Variants in PIEZO2 observed in about 807,000 individuals in gnomAD.
The protein encoded by PIEZO2 is piezo type mechanosensitive ion channel component 2.
Under a neutral mutation model 337.3 loss-of-function variants are expected in PIEZO2, and 172 were observed. The ratio of observed to expected loss-of-function variants is 0.51; its 90% CI spans 0.45 to 0.58. The LOEUF (loss-of-function observed/expected upper bound fraction) is 0.58. Among genes scored for constraint, PIEZO2 ranks in the 20% least tolerant of loss-of-function variants. PIEZO2 has a pLI of 0.00. For synonymous variants in PIEZO2, 1,251 were observed against 1,228.5 expected (o/e 1.02, Z -0.38); for missense variants, 3,028 against 3,391.3 (o/e 0.89, Z 2.66).
rs1222056176 is a variant in PIEZO2 at position 10,726,460 on chromosome 18, C to T, written c.5029+4947G>A. The T allele has an allele frequency of 3.9e-6, 6 of 1,528,808 alleles. No individual in the cohort carries two copies. The East Asian group carries it at 1.2e-4, about 31-fold the overall frequency. The allele number at this position is 1,528,808 out of a possible 1,614,324, so 94.7% of individuals were successfully genotyped here. Reference sequence around the variant, plus strand: ...TACGGGCTACGGCCGGCGAACCCCACGAGGAGGGCCTGGCCACCCTGCACA... The same window carrying T: ...TACGGGCTACGGCCGGCGAACCCCATGAGGAGGGCCTGGCCACCCTGCACA... On this transcript the variant is annotated intron_variant, in intron 36 of 55. Transcript: ENST00000674853. The surrounding 1 kb of genome is among the most constrained non-coding windows in gnomAD (Gnocchi z 5.9).
chr18:11,035,334 TTTCTC>T lies in PIEZO2; in HGVS notation c.160+30788_160+30792del, dbSNP rs780337739. On this transcript the variant is annotated intron_variant, in intron 2 of 55. Transcript: ENST00000674853. This position sits in a 1 kb window ranked among gnomAD's most constrained non-coding sequence, Gnocchi z 4.3. Reference sequence around the variant, plus strand: ...CTCTCCCTCTCTCTCTCTCTCTCTCTTTCTCTCTCTCTCATTCCCTCTCTCACCAT... The same window carrying T: ...CTCTCCCTCTCTCTCTCTCTCTCTCTTCTCTCTCATTCCCTCTCTCACCAT... 0.051 allele frequency among the ~76,000 whole-genome samples: 7,728 copies of T among 151,018 alleles called. 248 individuals are homozygous for T. The highest frequency in any genetic ancestry group is 0.086 in the Middle Eastern group (25 of 292).
intron 3 of PIEZO2, among the ~76,000 whole-genome samples, chr18:10,972,829 A>G (rs1330266782): frequency 6.6e-6 from 1 of 152,188 alleles, no homozygotes; most frequent in African/African-American, 2.4e-5. Context: ...AATAACAGCA[A>G]CAACATGAAC....
intron 38 of PIEZO2, 118 bp from the exon 39 acceptor site, chr18:10,715,048 C>A (rs1487296409): frequency 3.0e-6 from 3 of 1,000,312 alleles, no homozygotes; most frequent in Non-Finnish European, 4.3e-6. Context: ...AGGATTAGGA[C>A]CATGCTAGGC....
rs1249363362 is a variant in PIEZO2, at chr18:11,132,427, AG to A, written c.64+16097del. On this transcript the variant is annotated intron_variant, in intron 1 of 55. Coordinates refer to ENST00000674853, the MANE Select transcript of PIEZO2 (RefSeq NM_001378183.1). This position sits in a 1 kb window ranked among gnomAD's most constrained non-coding sequence, Gnocchi z 4.7. ...TGAAGTCACAATTACAATGCCAGCT[AG>A]GTAACAGTACTTTGCAGGGCTGGGG... is the stretch of plus-strand genomic sequence containing the variant. 2.6e-5 allele frequency among the ~76,000 whole-genome samples: 4 copies of A among 152,226 alleles called. No homozygotes were observed. Among genetic ancestry groups the A allele is most frequent in the Non-Finnish European group, 5.9e-5 (4 of 68,038 alleles).
rs748647586 is a variant in PIEZO2 at position 10,794,573 on chromosome 18, A to G, written c.1758+199T>C. ...GTCATTCCTAAGTAAAAGCTAAATCATGGTGTAATATATGTTCATGTTTAA... is the reference window on the plus strand; with the variant it reads ...GTCATTCCTAAGTAAAAGCTAAATCGTGGTGTAATATATGTTCATGTTTAA... On this transcript the variant is annotated intron_variant, in intron 13 of 55. Coordinates refer to ENST00000674853, the MANE Select transcript of PIEZO2 (RefSeq NM_001378183.1). The surrounding 1 kb of genome is among the most constrained non-coding windows in gnomAD (Gnocchi z 6.6). Among the ~76,000 whole-genome samples the G allele has an allele frequency of 2.6e-5, 4 of 152,204 alleles. No individual in the cohort carries two copies. The highest frequency in any genetic ancestry group is 4.4e-5 in the Non-Finnish European group (3 of 68,036).
intron 2 of PIEZO2, among the ~76,000 whole-genome samples, chr18:10,996,587 T>A (rs1025222583): frequency 2.1e-4 from 32 of 152,240 alleles, no homozygotes; most frequent in African/African-American, 7.7e-4. Context: ...ATACAGTATG[T>A]GGCCTTTTGT....
chr18:10,795,333 T>C lies in PIEZO2; in HGVS notation c.1528-331A>G. On this transcript the variant is annotated intron_variant, in intron 12 of 55. Transcript: ENST00000674853. This position sits in a 1 kb window ranked among gnomAD's most constrained non-coding sequence, Gnocchi z 4.4. The stretch of plus-strand genomic sequence containing the variant: ...ATTCAAATATTTTATTTTATTTTAT[T>C]TTATTTTATTTTATTTTATTATTTT... Among the ~76,000 whole-genome samples the C allele has an allele frequency of 6.8e-5, 1 of 14,790 alleles. No homozygotes were observed. Among genetic ancestry groups the C allele is most frequent in the African/African-American group, 1.5e-4 (1 of 6,574 alleles). The allele number at this position is 14,790 out of a possible 152,430, so 9.7% of individuals were successfully genotyped here.
At chr18:10,889,121 G>C (rs887363327) in intron 4 of PIEZO2, among the ~76,000 whole-genome samples, 1 of 152,174 alleles carries the variant, frequency 6.6e-6, no homozygotes, top group Non-Finnish European at 1.5e-5. Context: ...GAAGAGAGAG[G>C]AGGACAGACA....
rs2039327933 is a variant in PIEZO2 at position 10,789,170 on chromosome 18, C to A, written c.2078G>T (p.Gly693Val). The A allele has an allele frequency of 6.5e-7, 1 of 1,537,256 alleles. No individual in the cohort carries two copies. The highest frequency in any genetic ancestry group is 1.4e-5 in the African/African-American group (1 of 73,166). ...FIKYWIYVCG[G>V]MFFFVSFEGK... ...CTCGAAGCTGACGAAGAAGAACATG[C>A]CTCCGCAGACGTAGATCCAGTACTT... The change falls in exon 15 of 56, where the codon GGC (glycine) becomes GTC (valine). Residue 693 changes from glycine (G) to valine (V), a missense_variant. This residue lies in a region of PIEZO2 where 1,925 missense variants were observed against 2,051.9 expected (regional missense o/e 0.94). Coordinates refer to ENST00000674853, the MANE Select transcript of PIEZO2 (RefSeq NM_001378183.1).
At chr18:10,987,245 T>C (rs2034910184) in intron 2 of PIEZO2, among the ~76,000 whole-genome samples, 1 of 152,028 alleles carries the variant, frequency 6.6e-6, no homozygotes, top group Non-Finnish European at 1.5e-5. Context: ...GACCCCCAAA[T>C]AGCTAAAGCA....
In PIEZO2 at chr18:10,673,139, C is replaced by T. The variant is rs887424217; in HGVS notation, c.8162-266G>A. Among the ~76,000 whole-genome samples, 35 of 152,160 alleles carry T rather than the reference C, an allele frequency of 2.3e-4. No homozygotes were observed. Among genetic ancestry groups the T allele is most frequent in the African/African-American group, 8.0e-4 (33 of 41,436 alleles). Reference sequence around the variant, plus strand: ...AACCACAGGGCAAAAGTAGAGGATCCACCACCTGAGCAGCTGAGCTGATAA... The same window carrying T: ...AACCACAGGGCAAAAGTAGAGGATCTACCACCTGAGCAGCTGAGCTGATAA... On this transcript the variant is annotated intron_variant, in intron 54 of 55. Transcript: ENST00000674853. The surrounding 1 kb of genome is among the most constrained non-coding windows in gnomAD (Gnocchi z 4.8).
Position 10,979,695 on chromosome 18 carries a change from C to G in PIEZO2, c.161-35G>C. 2 of 1,501,358 alleles carry G rather than the reference C, an allele frequency of 1.3e-6. No individual in the cohort carries two copies. The highest frequency in any genetic ancestry group is 1.8e-6 in the Non-Finnish European group (2 of 1,123,556). 93.0% of individuals were successfully genotyped at this position (1,501,358 alleles called of 1,614,324 possible). ...AAAAAGTGCAGAGATTGTGAGAGAG[C>G]TTAAGATGAAACACACTGGTGCTGT... On this transcript the variant is annotated intron_variant, in intron 2 of 55. Coordinates refer to ENST00000674853, the MANE Select transcript of PIEZO2 (RefSeq NM_001378183.1). This position sits in a 1 kb window ranked among gnomAD's most constrained non-coding sequence, Gnocchi z 4.0.
intron 1 of PIEZO2, among the ~76,000 whole-genome samples, chr18:11,072,391 C>CT (rs895394446): frequency 8.6e-5 from 13 of 151,980 alleles, no homozygotes; most frequent in Non-Finnish European, 1.2e-4. Context: ...GAACATTTCT[C>CT]TTTTTTTTAG....
chr18:10,885,301 G>A (rs540016520), intron 4 of PIEZO2, among the ~76,000 whole-genome samples: 1 of 152,248 alleles, frequency 6.6e-6, no homozygotes, highest in South Asian at 2.1e-4. Flanking sequence ...GCAGGTGCCT[G>A]TAGTCCTAGC....
chr18:10,916,415 C>T (rs1001841374), intron 3 of PIEZO2, among the ~76,000 whole-genome samples: 14 of 152,144 alleles, frequency 9.2e-5, no homozygotes, highest in Admixed American at 3.3e-4. Flanking sequence ...GCTGCAGGTC[C>T]GGAGCCCTTC....
intron 4 of PIEZO2, among the ~76,000 whole-genome samples, chr18:10,902,888 T>C (rs887923671): frequency 6.6e-6 from 1 of 152,190 alleles, no homozygotes; most frequent in African/African-American, 2.4e-5. Flanking sequence ...GTCATGGGTA[T>C]AGAAAGTTTC....
intron 2 of PIEZO2, among the ~76,000 whole-genome samples, chr18:10,989,847 A>G (rs1370950284): frequency 2.0e-5 from 3 of 152,190 alleles, no homozygotes; most frequent in Non-Finnish European, 4.4e-5. Context: ...GTAAAGAGAA[A>G]CAACATACTG....
intron 12 of PIEZO2, among the ~76,000 whole-genome samples, chr18:10,796,221 T>A (rs1041179914): frequency 6.6e-6 from 1 of 150,896 alleles, no homozygotes; most frequent in African/African-American, 2.4e-5. Context: ...AAAAAAAAAA[T>A]TAGCCGGGCG....
At chr18:10,790,784 C>T (rs566169793) in intron 14 of PIEZO2, among the ~76,000 whole-genome samples, 1 of 149,970 alleles carries the variant, frequency 6.7e-6, no homozygotes, top group South Asian at 2.1e-4. Context: ...CGGTTCACTG[C>T]GAGCTCCGCC....
Sources: allele counts gnomAD v4.1 joint callset (sites outside exome capture counted in the v4.1 genomes callset), GRCh38; gene constraint gnomAD v4.1.1; regional missense constraint gnomAD v4.1.1; non-coding constraint Gnocchi (gnomAD v3.1); transcripts MANE v1.5; gene names NCBI Gene and HGNC (gene_info 2026-07-23, HGNC 2026-07-21).